BTNL9: variants seen among roughly 807,000 people sequenced by gnomAD.
The protein encoded by BTNL9 is butyrophilin-like protein 9.
In BTNL9, 45 loss-of-function variants were observed where a neutral mutation model predicts 45.8. The ratio of observed to expected loss-of-function variants is 0.98; its 90% CI spans 0.77 to 1.26. The LOEUF (loss-of-function observed/expected upper bound fraction) is 1.26. BTNL9 is among the 50% of genes most tolerant of loss of function. The probability of loss-of-function intolerance (pLI) is 0.00; values close to 1 mark genes in which losing one functional copy is unlikely to be tolerated. For missense variants in BTNL9, 784 were observed against 729.7 expected, an observed-to-expected ratio of 1.07 and a Z score of -0.86; for synonymous variants, 346 against 330.8, an observed-to-expected ratio of 1.05 and a Z score of -0.50.
chr5:181,054,435 G>A, intron 7 of BTNL9, 176 bp downstream of exon 7: 1 of 985,404 alleles, frequency 1.0e-6, no homozygotes, highest in Non-Finnish European at 1.2e-6. Context: ...CTGCCACCGT[G>A]CAGCTGCCCG....
Position 181,050,058 on chromosome 5 carries a change from G to A in BTNL9, c.455-30G>A. 1.2e-6 allele frequency: 2 copies of A among 1,601,550 alleles called. No homozygotes were observed. The highest frequency in any genetic ancestry group is 2.2e-5 in the South Asian group (2 of 89,718). ...ATGCGTGATTTCTCAGAAGAAGCCT[G>A]ACCTTTCCCACTCCTCCTGCCTCCA... On this transcript the variant is annotated intron_variant, in intron 3 of 10. Coordinates refer to ENST00000327705, the MANE Select transcript of BTNL9 (RefSeq NM_152547.5). The surrounding 1 kb of genome is among the most constrained non-coding windows in gnomAD (Gnocchi z 4.9).
chr5:181,053,168 G>A lies in BTNL9; in HGVS notation c.737-32G>A. ...CGCCTCTCGGTGCTCAGCGGCGCCT[G>A]GACCGACACGGCCCCCGCGGGTGTT... On this transcript the variant is annotated intron_variant, in intron 4 of 10. Coordinates refer to ENST00000327705, the MANE Select transcript of BTNL9 (RefSeq NM_152547.5). The surrounding 1 kb of genome is among the most constrained non-coding windows in gnomAD (Gnocchi z 6.5). 6.5e-7 allele frequency: 1 copy of A among 1,545,908 alleles called. No individual in the cohort carries two copies. Among genetic ancestry groups the A allele is most frequent in the Non-Finnish European group, 8.8e-7 (1 of 1,141,954 alleles).
In BTNL9 at chr5:181,055,924, A is replaced by T; in HGVS notation, c.929-65A>T. ...CGGGACAGGGTGGGTGCAAGATGTG[A>T]TGTGTGAGCAGGGAAGCTTGGGGTC... On this transcript the variant is annotated intron_variant, in intron 8 of 10. Coordinates refer to ENST00000327705, the MANE Select transcript of BTNL9 (RefSeq NM_152547.5). This position sits in a 1 kb window ranked among gnomAD's most constrained non-coding sequence, Gnocchi z 4.4. 12 of 1,592,778 alleles carry T rather than the reference A, an allele frequency of 7.5e-6. No individual in the cohort carries two copies. The highest frequency in any genetic ancestry group is 1.0e-5 in the Non-Finnish European group (12 of 1,160,660).
At chr5:181,045,678 C>T in intron 2 of BTNL9, 80 bp downstream of exon 2, 3 of 1,155,698 alleles carry the variant, frequency 2.6e-6, no homozygotes, top group South Asian at 2.5e-5. Flanking sequence ...ACGATCTTAG[C>T]ACAGTACCAG....
Position 181,055,178 on chromosome 5 carries a change from C to G in BTNL9, c.908-255C>G. The G allele has an allele frequency of 7.5e-7, 1 of 1,336,694 alleles. No individual in the cohort carries two copies. Among genetic ancestry groups the G allele is most frequent in the East Asian group, 2.9e-5 (1 of 34,582 alleles). 82.8% of individuals were successfully genotyped at this position (1,336,694 alleles called of 1,614,324 possible). ...AACCCTGGGAAGAGGCCTGTCAGTA[C>G]TAAGATCTGGTATCCCTTCTAGGCT... On this transcript the variant is annotated intron_variant, in intron 7 of 10. Coordinates refer to ENST00000327705, the MANE Select transcript of BTNL9 (RefSeq NM_152547.5). The surrounding 1 kb of genome is among the most constrained non-coding windows in gnomAD (Gnocchi z 4.4).
intron 9 of BTNL9, chr5:181,056,467 T>G (rs891536455): frequency 2.9e-6 from 2 of 695,894 alleles, no homozygotes; most frequent in African/African-American, 3.5e-5. Flanking sequence ...TTTTCCCGTA[T>G]GCATCATCAT....
chr5:181,052,440 T>C (rs2113217166), intron 4 of BTNL9, among the ~76,000 whole-genome samples: 1 of 152,360 alleles, frequency 6.6e-6, no homozygotes, highest in East Asian at 1.9e-4. Flanking sequence ...TTAATGCCCC[T>C]GAACTGTACA....
chr5:181,045,746 T>C (rs967235224), intron 2 of BTNL9, 148 bp downstream of exon 2: 14 of 653,020 alleles, frequency 2.1e-5, no homozygotes, highest in Non-Finnish European at 3.2e-5. Context: ...AAAGAGCCAC[T>C]ACCCCGAGCA....
In BTNL9 at chr5:181,059,429, G is replaced by A. The variant is rs1288052631; in HGVS notation, c.1175G>A (p.Arg392His). The A allele has an allele frequency of 6.8e-7, 1 of 1,477,390 alleles. No homozygotes were observed. Among genetic ancestry groups the A allele is most frequent in the East Asian group, 2.9e-5 (1 of 33,980 alleles). The allele number at this position is 1,477,390 out of a possible 1,614,324, so 91.5% of individuals were successfully genotyped here. Residue 392 changes from arginine to histidine, a missense_variant, in exon 11 of 11, where the codon CGC becomes CAC. Arg to His is a conservative substitution (Grantham distance 29). Transcript: ENST00000327705. Reference sequence around the variant, plus strand: ...CACTACTGGGAGGTGCACGTGGGCCGCCGCAGCCGCTGGTTCCTGGGCGCC... The same window carrying A: ...CACTACTGGGAGGTGCACGTGGGCCACCGCAGCCGCTGGTTCCTGGGCGCC... ...GRHYWEVHVG[R>H]RSRWFLGACL...
chr5:181,048,889 T>C (rs1297753243), intron 3 of BTNL9, among the ~76,000 whole-genome samples: 1 of 56,992 alleles, frequency 1.8e-5, no homozygotes, highest in Non-Finnish European at 4.1e-5. Context: ...ATATATCATA[T>C]ATATGATATA....
rs779008754 is a variant in BTNL9 at position 181,055,934 on chromosome 5, A to C, written c.929-55A>C. The C allele has an allele frequency of 6.2e-6, 10 of 1,609,156 alleles. No homozygotes were observed. The Admixed American group carries it at 1.7e-4, about 27-fold the overall frequency. On this transcript the variant is annotated intron_variant, in intron 8 of 10. Coordinates refer to ENST00000327705, the MANE Select transcript of BTNL9 (RefSeq NM_152547.5). This position sits in a 1 kb window ranked among gnomAD's most constrained non-coding sequence, Gnocchi z 4.4. ...TGGGTGCAAGATGTGATGTGTGAGC[A>C]GGGAAGCTTGGGGTCCTGATGTGCT...
Position 181,053,161 on chromosome 5 carries a change from G to GGC in BTNL9, c.737-36_737-35dup. On this transcript the variant is annotated intron_variant, in intron 4 of 10. Transcript: ENST00000327705. The surrounding 1 kb of genome is among the most constrained non-coding windows in gnomAD (Gnocchi z 6.5). The stretch of plus-strand genomic sequence containing the variant: ...CCGGTCTCGCCTCTCGGTGCTCAGC[G>GGC]GCGCCTGGACCGACACGGCCCCCGC... The GGC allele has an allele frequency of 6.6e-7, 1 of 1,521,876 alleles. No individual in the cohort carries two copies. Among genetic ancestry groups the GGC allele is most frequent in the Middle Eastern group, 1.7e-4 (1 of 5,826 alleles). 94.3% of individuals were successfully genotyped at this position (1,521,876 alleles called of 1,614,324 possible).
intron 3 of BTNL9, among the ~76,000 whole-genome samples, chr5:181,049,718 CT>C: frequency 6.6e-6 from 1 of 152,278 alleles, no homozygotes; most frequent in South Asian, 2.1e-4. Flanking sequence ...GGCACTAGAG[CT>C]CTGGGGGAAT....
At position 181,059,577 on chromosome 5, in the gene BTNL9, C is replaced by G. The variant is rs972102293; in HGVS notation, c.1323C>G (p.Thr441=). 2.5e-6 allele frequency: 4 copies of G among 1,612,586 alleles called. No homozygotes were observed. The highest frequency in any genetic ancestry group is 3.4e-6 in the Non-Finnish European group (4 of 1,179,790). Residue 441 remains threonine, a synonymous_variant, in exon 11 of 11, where the codon ACC becomes ACG. Coordinates refer to ENST00000327705, the MANE Select transcript of BTNL9 (RefSeq NM_152547.5). ...FVLAPHRVAL[T]LRVPPRRLGV... ...TGGCCCCGCACCGCGTCGCGCTCAC[C>G]CTGCGCGTGCCCCCGCGGCGCCTGG...
intron 1 of BTNL9, chr5:181,043,278 GCATGTGTGTGTGTC>G (rs1263952538): frequency 2.0e-5 from 3 of 149,704 alleles, no homozygotes; most frequent in African/African-American, 7.5e-5. Context: ...GTGTGTGTGT[GCATGTGTGTGTGTC>G]TGTGTGTGTG....
chr5:181,054,300 G>T, intron 7 of BTNL9, 41 bp downstream of exon 7: 1 of 1,608,346 alleles, frequency 6.2e-7, no homozygotes, highest in Admixed American at 1.7e-5. Flanking sequence ...CCTGTCAGCC[G>T]GACCCTGTGC....
chr5:181,041,164 G>C (rs750925632), intron 1 of BTNL9, among the ~76,000 whole-genome samples: 14 of 152,224 alleles, frequency 9.2e-5, no homozygotes, highest in Non-Finnish European at 1.8e-4. Flanking sequence ...AATTATGTTA[G>C]AGAATCCCCA....
intron 9 of BTNL9, chr5:181,057,308 T>C (rs747866391): frequency 3.3e-5 from 5 of 152,080 alleles, no homozygotes; most frequent in Admixed American, 2.0e-4. Flanking sequence ...CTTTATGTTA[T>C]ATTTGCATCT....
Position 181,053,072 on chromosome 5 carries a change from C to T in BTNL9, c.737-128C>T. 1.4e-6 allele frequency: 1 copy of T among 713,936 alleles called. No individual in the cohort carries two copies. The allele number at this position is 713,936 out of a possible 1,614,324, so 44.2% of individuals were successfully genotyped here. A position where few individuals can be genotyped will look rare whatever the true frequency, so the allele number is the denominator to read the frequency against. On this transcript the variant is annotated intron_variant, in intron 4 of 10. Coordinates refer to ENST00000327705, the MANE Select transcript of BTNL9 (RefSeq NM_152547.5). This position sits in a 1 kb window ranked among gnomAD's most constrained non-coding sequence, Gnocchi z 6.5. Reference sequence around the variant, plus strand: ...GCGCTCCCGCTCCACGCCCGTTTCCCAGGCGGCTGCGGTGGCGCCCGGAGA... The same window carrying T: ...GCGCTCCCGCTCCACGCCCGTTTCCTAGGCGGCTGCGGTGGCGCCCGGAGA...
Sources: gnomAD v4.1 joint callset for allele counts (sites outside exome capture counted in the v4.1 genomes callset) on GRCh38, gnomAD v4.1.1 for gene constraint, Gnocchi (gnomAD v3.1) non-coding constraint, MANE v1.5 for transcripts, NCBI Gene and HGNC (gene_info 2026-07-23, HGNC 2026-07-21) for gene names.